Variants in SUGCT observed in about 807,000 individuals in gnomAD.
SUGCT encodes the protein succinyl-CoA:glutarate-CoA transferase.
Under a neutral mutation model 55.0 loss-of-function variants are expected in SUGCT, and 41 were observed. That is an observed-to-expected ratio of 0.74 (90% CI 0.58 to 0.97). SUGCT has a LOEUF of 0.97. Ranked by LOEUF, SUGCT falls within the 50% of genes least tolerant of loss-of-function variation. The probability of loss-of-function intolerance (pLI) is 0.00; values close to 1 mark genes in which losing one functional copy is unlikely to be tolerated. For missense variants in SUGCT, 568 were observed against 547.8 expected (o/e 1.04, Z -0.37); for synonymous variants, 187 against 200.4 (o/e 0.93, Z 0.56).
intron 13 of SUGCT, among the ~76,000 whole-genome samples, chr7:40,843,370 C>T (rs1328862302): frequency 2.0e-5 from 3 of 152,072 alleles, no homozygotes; most frequent in Admixed American, 1.3e-4. Context: ...ATTAGCTGGG[C>T]ATGGTGGCGC....
At chr7:40,240,076 A>G (rs1789276950) in intron 7 of SUGCT, among the ~76,000 whole-genome samples, 1 of 152,238 alleles carries the variant, frequency 6.6e-6, no homozygotes, top group South Asian at 2.1e-4. Context: ...ACTGCGAAGA[A>G]GAGTACAGGG....
At chr7:40,325,922 A>G (rs1796010115) in intron 9 of SUGCT, among the ~76,000 whole-genome samples, 1 of 61,032 alleles carries the variant, frequency 1.6e-5, no homozygotes, top group African/African-American at 6.3e-5. Context: ...TGTTTTTGGC[A>G]GATTCTAGAA....
At chr7:41,037,963 G>A in the SUGCT span, among the ~76,000 whole-genome samples, 1 of 152,110 alleles carries the variant, frequency 6.6e-6, no homozygotes, top group Non-Finnish European at 1.5e-5. Flanking sequence ...AGGGAATGTT[G>A]TTGGGTCACT....
chr7:40,473,112 A>T (rs886395963), intron 11 of SUGCT, among the ~76,000 whole-genome samples: 11 of 152,166 alleles, frequency 7.2e-5, no homozygotes, highest in African/African-American at 2.7e-4. Context: ...TTTCAGTGGG[A>T]GAGTGAATGT....
intron 12 of SUGCT, among the ~76,000 whole-genome samples, chr7:40,714,576 G>T (rs1490600864): frequency 6.6e-6 from 1 of 151,964 alleles, no homozygotes; most frequent in Admixed American, 6.6e-5. Context: ...CCATGTGCTT[G>T]TGTGGGTTTT....
chr7:40,676,894 C>CCTGT (rs71560198), intron 12 of SUGCT, among the ~76,000 whole-genome samples: 1 of 143,972 alleles, frequency 6.9e-6, no homozygotes, highest in African/African-American at 2.6e-5. Flanking sequence ...TTCAGAATGA[C>CCTGT]GTGTGTGTGT....
At chr7:40,367,484 G>A (rs1046589651) in intron 9 of SUGCT, among the ~76,000 whole-genome samples, 6 of 151,486 alleles carry the variant, frequency 4.0e-5, no homozygotes, top group Non-Finnish European at 5.9e-5. Flanking sequence ...CTGGCACTGC[G>A]ATATTCGCTA....
chr7:40,493,097 T>G (rs1276404673), intron 11 of SUGCT, among the ~76,000 whole-genome samples: 3 of 152,252 alleles, frequency 2.0e-5, no homozygotes, highest in Admixed American at 6.5e-5. Flanking sequence ...GAATAAAATA[T>G]GTGAAGCTAT....
chr7:41,003,100 G>A, the SUGCT span, among the ~76,000 whole-genome samples: 1 of 152,150 alleles, frequency 6.6e-6, no homozygotes, highest in Non-Finnish European at 1.5e-5. Flanking sequence ...GAAATTCTGA[G>A]CTTAGCACCT....
the SUGCT span, among the ~76,000 whole-genome samples, chr7:40,940,692 G>T: frequency 2.8e-3 from 425 of 152,118 alleles, 2 homozygotes; most frequent in African/African-American, 9.6e-3. Flanking sequence ...GGTCATTTTT[G>T]GTGTATAGCC....
chr7:40,229,606 A>AT (rs927213746), intron 6 of SUGCT, among the ~76,000 whole-genome samples: 1 of 151,890 alleles, frequency 6.6e-6, no homozygotes, highest in Non-Finnish European at 1.5e-5. Context: ...AGGTCAGGAG[A>AT]TATCAAGACC....
the SUGCT span, among the ~76,000 whole-genome samples, chr7:40,880,017 A>C: frequency 6.6e-6 from 1 of 152,230 alleles, no homozygotes. Context: ...ATGGCCAGCC[A>C]AGGAGCAATA....
At chr7:40,925,542 T>G in the SUGCT span, among the ~76,000 whole-genome samples, 1 of 152,204 alleles carries the variant, frequency 6.6e-6, no homozygotes, top group Non-Finnish European at 1.5e-5. Flanking sequence ...TATTCCCTAT[T>G]CTGCAGAGCC....
chr7:40,468,837 C>T (rs1371210362), intron 11 of SUGCT, among the ~76,000 whole-genome samples: 1 of 152,054 alleles, frequency 6.6e-6, no homozygotes, highest in Non-Finnish European at 1.5e-5. Context: ...AGATCTTTGC[C>T]TCAGTTTAGA....
chr7:40,616,359 C>A (rs1250525277), intron 12 of SUGCT, among the ~76,000 whole-genome samples: 1 of 152,180 alleles, frequency 6.6e-6, no homozygotes, highest in Non-Finnish European at 1.5e-5. Context: ...CCACGCCCAA[C>A]TAATTTTTGT....
chr7:40,601,741 T>A (rs1192802168), intron 12 of SUGCT, among the ~76,000 whole-genome samples: 1 of 151,864 alleles, frequency 6.6e-6, no homozygotes, highest in East Asian at 1.9e-4. Flanking sequence ...GTGAGGACTT[T>A]TTTTTTTTTT....
intron 9 of SUGCT, among the ~76,000 whole-genome samples, chr7:40,391,517 A>T (rs1031355961): frequency 2.0e-5 from 3 of 152,248 alleles, no homozygotes; most frequent in African/African-American, 4.8e-5. Flanking sequence ...TATGCAGCCA[A>T]CAGACACATG....
the SUGCT span, among the ~76,000 whole-genome samples, chr7:40,940,111 A>G: frequency 6.6e-6 from 1 of 152,128 alleles, no homozygotes; most frequent in Non-Finnish European, 1.5e-5. Context: ...CAGTTTTCCC[A>G]GCACCATTTA....
intron 6 of SUGCT, among the ~76,000 whole-genome samples, chr7:40,211,674 A>G (rs905326183): frequency 6.6e-6 from 1 of 152,226 alleles, no homozygotes; most frequent in Non-Finnish European, 1.5e-5. Flanking sequence ...CACATCTCAG[A>G]TGAAGATGGT....
Sources: allele counts gnomAD v4.1 joint callset (sites outside exome capture counted in the v4.1 genomes callset), GRCh38; gene constraint gnomAD v4.1.1; transcripts MANE v1.5; gene names NCBI Gene and HGNC (gene_info 2026-07-23, HGNC 2026-07-21).